Variants in PALLD observed in about 807,000 individuals in gnomAD.
PALLD encodes the protein palladin, cytoskeletal associated protein, also known as palladin.
PALLD carries 61 observed loss-of-function variants against 123.5 expected under a neutral mutation model. That is an observed-to-expected ratio of 0.49 (90% CI 0.40 to 0.61). The LOEUF (loss-of-function observed/expected upper bound fraction) is 0.61. Ranked by LOEUF, PALLD falls within the 20% of genes least tolerant of loss-of-function variation. PALLD has a pLI of 0.00. For missense variants in PALLD, 1,273 were observed against 1,377.0 expected, an observed-to-expected ratio of 0.92 and a Z score of 1.20; for synonymous variants, 465 against 496.4, an observed-to-expected ratio of 0.94 and a Z score of 0.84.
intron 10 of PALLD, among the ~76,000 whole-genome samples, chr4:168,880,294 C>T (rs1014208404): frequency 2.0e-5 from 3 of 152,174 alleles, no homozygotes; most frequent in African/African-American, 4.8e-5. Flanking sequence ...TCCAGTCGTT[C>T]CTGCCATTTC....
chr4:168,796,457 CTCA>C (rs1182020039), intron 10 of PALLD, among the ~76,000 whole-genome samples: 1 of 152,226 alleles, frequency 6.6e-6, no homozygotes, highest in Non-Finnish European at 1.5e-5. Context: ...ATCTTGCTGT[CTCA>C]TCATGCATTA....
intron 10 of PALLD, among the ~76,000 whole-genome samples, chr4:168,723,821 A>G (rs1044644134): frequency 2.0e-5 from 3 of 147,922 alleles, no homozygotes; most frequent in Non-Finnish European, 4.5e-5. Flanking sequence ...CCTCCTATTT[A>G]TTTTAGTTAC....
At chr4:168,741,181 G>A (rs1788290946) in intron 10 of PALLD, among the ~76,000 whole-genome samples, 2 of 152,122 alleles carry the variant, frequency 1.3e-5, no homozygotes, top group South Asian at 4.1e-4. Flanking sequence ...AGTTGGTACT[G>A]CTGTCATGTT....
At chr4:168,650,699 A>G (rs1430571291) in intron 2 of PALLD, among the ~76,000 whole-genome samples, 2 of 152,152 alleles carry the variant, frequency 1.3e-5, no homozygotes, top group Admixed American at 6.5e-5. Flanking sequence ...GCAATTTTCA[A>G]TATTATGAGT....
chr4:168,631,826 A>T (rs1775846028), intron 2 of PALLD: 16 of 985,464 alleles, frequency 1.6e-5, no homozygotes, highest in Non-Finnish European at 1.9e-5. Context: ...GCAAGCTGGG[A>T]ATAAGCGAGA....
chr4:168,633,325 A>G (rs915804329), intron 2 of PALLD, among the ~76,000 whole-genome samples: 2 of 152,220 alleles, frequency 1.3e-5, no homozygotes, highest in Non-Finnish European at 2.9e-5. Context: ...GGGTTACATG[A>G]AGATGTTATG....
At chr4:168,523,790 T>C (rs1763798574) in intron 2 of PALLD, among the ~76,000 whole-genome samples, 1 of 152,176 alleles carries the variant, frequency 6.6e-6, no homozygotes, top group South Asian at 2.1e-4. Context: ...TTACACATAG[T>C]ACTAAATTGT....
chr4:168,840,046 A>G (rs890017409), intron 10 of PALLD, among the ~76,000 whole-genome samples: 9 of 152,096 alleles, frequency 5.9e-5, no homozygotes, highest in Non-Finnish European at 1.0e-4. Context: ...TTCTTGGTAA[A>G]GCTTCATTTT....
chr4:168,848,332 A>C (rs1747214256), intron 10 of PALLD, among the ~76,000 whole-genome samples: 2 of 152,192 alleles, frequency 1.3e-5, no homozygotes, highest in Admixed American at 1.3e-4. Context: ...TGTGTAATTT[A>C]GAGATTGAAG....
intron 10 of PALLD, among the ~76,000 whole-genome samples, chr4:168,803,015 A>G (rs1205556567): frequency 6.6e-6 from 1 of 152,234 alleles, no homozygotes; most frequent in Admixed American, 6.5e-5. Context: ...TACTCAGTTA[A>G]GAGCAAACAA....
At chr4:168,819,451 C>A (rs1742416622) in intron 10 of PALLD, among the ~76,000 whole-genome samples, 1 of 151,956 alleles carries the variant, frequency 6.6e-6, no homozygotes, top group Admixed American at 6.6e-5. Context: ...AGCAGCACCC[C>A]AGTTTAAAGA....
At chr4:168,900,638 T>A (rs1560886106) in intron 14 of PALLD, among the ~76,000 whole-genome samples, 1 of 152,194 alleles carries the variant, frequency 6.6e-6, no homozygotes, top group African/African-American at 2.4e-5. Context: ...TTCTTAAAAC[T>A]GAATCGCAAC....
In PALLD at chr4:168,903,739, C is replaced by T. The variant is rs1482790033; in HGVS notation, c.2473-18C>T. ...AATACACAAACTCCTAATCTTTAAT[C>T]TTTGTTTCTATTCACAGATCTATTG... On this transcript the variant is annotated intron_variant, in intron 14 of 21. Transcript: ENST00000505667. 2.5e-6 allele frequency: 4 copies of T among 1,602,120 alleles called. No individual in the cohort carries two copies. In the African/African-American group the frequency reaches 4.0e-5, roughly 16 times the overall value.
intron 2 of PALLD, among the ~76,000 whole-genome samples, chr4:168,561,653 CTT>C (rs1767881521): frequency 6.6e-6 from 1 of 152,112 alleles, no homozygotes; most frequent in Non-Finnish European, 1.5e-5. Flanking sequence ...TTTTTCTTAA[CTT>C]ATTTTTCTTA....
Position 168,620,209 on chromosome 4 carries a change from C to T in PALLD, c.909-47981C>T, listed in dbSNP as rs575759207. ...CAGTGGCTCACGCCTGTAATCCCAG[C>T]ACTTTGGGAGGCCAAGGCAGGTGGA... On this transcript the variant is annotated intron_variant, in intron 2 of 21. Transcript: ENST00000505667. Among the ~76,000 whole-genome samples, 10 of 152,340 alleles carry T rather than the reference C, an allele frequency of 6.6e-5. No individual in the cohort carries two copies. In the South Asian group the frequency reaches 2.1e-3, roughly 32 times the overall value.
intron 2 of PALLD, among the ~76,000 whole-genome samples, chr4:168,645,944 G>A (rs751639750): frequency 6.6e-6 from 1 of 152,132 alleles, no homozygotes; most frequent in South Asian, 2.1e-4. Context: ...CTTGGGAAAG[G>A]AAAAAGGCAC....
intron 2 of PALLD, among the ~76,000 whole-genome samples, chr4:168,615,010 G>A (rs28626215): frequency 6.3e-4 from 96 of 152,306 alleles, no homozygotes; most frequent in African/African-American, 2.2e-3. Flanking sequence ...ATAAGCCCCA[G>A]TGCATGGATA....
intron 10 of PALLD, among the ~76,000 whole-genome samples, chr4:168,860,861 C>T (rs866892812): frequency 4.6e-5 from 7 of 152,144 alleles, no homozygotes; most frequent in South Asian, 2.1e-4. Context: ...TAGTCCTCAA[C>T]GTGACTAAAG....
At chr4:168,748,104 A>G (rs1461753721) in intron 10 of PALLD, among the ~76,000 whole-genome samples, 1 of 152,264 alleles carries the variant, frequency 6.6e-6, no homozygotes, top group Non-Finnish European at 1.5e-5. Flanking sequence ...AGTATTCTAA[A>G]TAATCAAATA....
Sources: gnomAD v4.1 joint callset for allele counts (sites outside exome capture counted in the v4.1 genomes callset) on GRCh38, gnomAD v4.1.1 for gene constraint, MANE v1.5 for transcripts, NCBI Gene and HGNC (gene_info 2026-07-23, HGNC 2026-07-21) for gene names.